The following NEGR1 variants were observed in gnomAD, a reference collection of about 807,000 sequenced individuals.
NEGR1 encodes IgLON family member 4.
NEGR1 carries 10 observed loss-of-function variants against 40.9 expected under a neutral mutation model. That is an observed-to-expected ratio of 0.24 (90% confidence interval 0.15 to 0.42). NEGR1 has a LOEUF of 0.42. Ranked by LOEUF, NEGR1 falls within the 10% of genes least tolerant of loss-of-function variation. NEGR1 has a pLI of 1.00. For missense variants in NEGR1, 352 were observed against 438.9 expected (o/e 0.80, Z 1.77); for synonymous variants, 185 against 166.8 (o/e 1.11, Z -0.84).
At chr1:71,989,085 G>T (rs1646428631) in intron 1 of NEGR1, among the ~76,000 whole-genome samples, 1 of 152,034 alleles carries the variant, frequency 6.6e-6, no homozygotes, top group Non-Finnish European at 1.5e-5. Flanking sequence ...CCAAGTGAAA[G>T]CAAGAGCAAA....
intron 1 of NEGR1, among the ~76,000 whole-genome samples, chr1:72,017,816 A>T (rs61767483): frequency 6.6e-6 from 1 of 152,144 alleles, no homozygotes; most frequent in African/African-American, 2.4e-5. Context: ...AAGGAGAAGG[A>T]TTCTTTAAAA....
chr1:72,205,264 A>T (rs1411398711), intron 1 of NEGR1, among the ~76,000 whole-genome samples: 1 of 151,908 alleles, frequency 6.6e-6, no homozygotes, highest in Admixed American at 6.6e-5. Context: ...CCCACATATT[A>T]ATATCAGAGA....
intron 1 of NEGR1, among the ~76,000 whole-genome samples, chr1:72,119,704 G>A (rs921208269): frequency 2.0e-5 from 3 of 151,950 alleles, no homozygotes; most frequent in Non-Finnish European, 4.4e-5. Flanking sequence ...TGCCACAGCT[G>A]GCAGGGGGTT....
At chr1:72,135,422 C>CAAA (rs71074820) in intron 1 of NEGR1, among the ~76,000 whole-genome samples, 4 of 102,256 alleles carry the variant, frequency 3.9e-5, no homozygotes, top group Admixed American at 1.1e-4. Flanking sequence ...AAAACAAAAC[C>CAAA]AAAAAAAAAA....
intron 6 of NEGR1, among the ~76,000 whole-genome samples, chr1:71,506,688 C>A (rs1048019025): frequency 6.6e-5 from 10 of 152,112 alleles, no homozygotes; most frequent in African/African-American, 2.4e-4. Flanking sequence ...ACCATAACTG[C>A]TTAGATATGA....
intron 1 of NEGR1, among the ~76,000 whole-genome samples, chr1:72,150,565 A>AAATTTTG (rs1651088529): frequency 6.6e-6 from 1 of 152,180 alleles, no homozygotes; most frequent in Non-Finnish European, 1.5e-5. Context: ...TTCAAATCTT[A>AAATTTTG]AATTTTGAAC....
chr1:71,818,629 G>T (rs1187824730), intron 2 of NEGR1, among the ~76,000 whole-genome samples: 1 of 151,928 alleles, frequency 6.6e-6, no homozygotes, highest in African/African-American at 2.4e-5. Flanking sequence ...CCAAACTTCT[G>T]TGAAGTGCAT....
intron 1 of NEGR1, among the ~76,000 whole-genome samples, chr1:72,159,326 C>T (rs953814804): frequency 2.0e-5 from 3 of 152,034 alleles, no homozygotes; most frequent in African/African-American, 7.2e-5. Flanking sequence ...ATAGGCCAAA[C>T]CACGTAAGTC....
chr1:71,567,829 G>A (rs1469084819), intron 6 of NEGR1, among the ~76,000 whole-genome samples: 1 of 96,982 alleles, frequency 1.0e-5, no homozygotes, highest in East Asian at 2.2e-4. Context: ...TCATCAATGA[G>A]ATTTTGTTTT....
At chr1:71,902,002 T>G (rs1661158016) in intron 2 of NEGR1, among the ~76,000 whole-genome samples, 1 of 152,046 alleles carries the variant, frequency 6.6e-6, no homozygotes. Flanking sequence ...ATTTAAACCA[T>G]AACACCACAA....
intron 6 of NEGR1, among the ~76,000 whole-genome samples, chr1:71,467,314 G>C (rs1646753349): frequency 6.6e-6 from 1 of 151,960 alleles, no homozygotes; most frequent in Admixed American, 6.6e-5. Flanking sequence ...TAAAGTAGAT[G>C]TCATTGCAAG....
At chr1:72,134,090 T>A (rs926318820) in intron 1 of NEGR1, among the ~76,000 whole-genome samples, 1 of 152,184 alleles carries the variant, frequency 6.6e-6, no homozygotes, top group Non-Finnish European at 1.5e-5. Flanking sequence ...TAAATGCTTG[T>A]TAATTCATCA....
chr1:71,611,960 C>A (rs528065438), intron 4 of NEGR1, among the ~76,000 whole-genome samples: 1 of 152,322 alleles, frequency 6.6e-6, no homozygotes, highest in East Asian at 1.9e-4. Flanking sequence ...CGGTGGCTCA[C>A]GCCTGTAATC....
At chr1:71,753,019 G>A (rs1045373435) in intron 3 of NEGR1, among the ~76,000 whole-genome samples, 4 of 151,938 alleles carry the variant, frequency 2.6e-5, no homozygotes, top group Admixed American at 6.6e-5. Context: ...TAATAGCTTC[G>A]GCTTTGGGGT....
chr1:71,963,305 G>A lies in NEGR1; in HGVS notation c.177-27994C>T, dbSNP rs188982730. Among the ~76,000 whole-genome samples, 28 of 152,236 alleles carry A rather than the reference G, an allele frequency of 1.8e-4. No individual in the cohort carries two copies. The East Asian group carries it at 5.4e-3, about 29-fold the overall frequency. On this transcript the variant is annotated intron_variant, in intron 1 of 6. Coordinates refer to ENST00000357731, the MANE Select transcript of NEGR1 (RefSeq NM_173808.3). ...ATTAATCAGAGCCAGGTTGTACTAA[G>A]AAGGAAGGAGCCTACTACCTCTAAG...
chr1:71,670,650 C>A (rs900398410), intron 4 of NEGR1, among the ~76,000 whole-genome samples: 2 of 152,030 alleles, frequency 1.3e-5, no homozygotes, highest in African/African-American at 4.8e-5. Flanking sequence ...TCAAGTGATC[C>A]TCGAGTCATG....
intron 2 of NEGR1, among the ~76,000 whole-genome samples, chr1:71,898,421 C>T (rs1326403634): frequency 1.3e-5 from 2 of 152,146 alleles, no homozygotes; most frequent in Non-Finnish European, 2.9e-5. Flanking sequence ...CGAGACTATC[C>T]TGGCTAACAC....
intron 4 of NEGR1, among the ~76,000 whole-genome samples, chr1:71,656,135 A>G (rs998469561): frequency 6.6e-6 from 1 of 152,170 alleles, no homozygotes; most frequent in African/African-American, 2.4e-5. Flanking sequence ...ATTGATCCCA[A>G]ACTTTATCCC....
intron 1 of NEGR1, among the ~76,000 whole-genome samples, chr1:72,182,749 GAT>G (rs1314777762): frequency 2.0e-5 from 3 of 147,568 alleles, no homozygotes; most frequent in Non-Finnish European, 3.0e-5. Context: ...TGTATTGACT[GAT>G]ATATATGAGT....
Sources: allele counts gnomAD v4.1 joint callset (sites outside exome capture counted in the v4.1 genomes callset), GRCh38; gene constraint gnomAD v4.1.1; transcripts MANE v1.5; gene names NCBI Gene and HGNC (gene_info 2026-07-23, HGNC 2026-07-21).